RGSL1: variants seen among roughly 807,000 people sequenced by gnomAD.
RGSL1 encodes the protein regulator of G protein signaling protein-like.
In RGSL1, 97 loss-of-function variants were observed where a neutral mutation model predicts 124.7. That is an observed-to-expected ratio of 0.78 (90% CI 0.66 to 0.92). RGSL1 has a LOEUF of 0.92. Among genes scored for constraint, RGSL1 ranks in the 40% least tolerant of loss-of-function variants. RGSL1 has a pLI of 0.00. For missense variants in RGSL1, 1,233 were observed against 1,288.4 expected (o/e 0.96, Z 0.66); for synonymous variants, 424 against 438.1 (o/e 0.97, Z 0.40).
Position 182,454,076 on chromosome 1 carries a change from C to T in RGSL1, c.96+36C>T, listed in dbSNP as rs77913722. ...TCAGATTTAAATACAAATATTTCAT[C>T]AGCAGCTGAATAGTGAATCTCACAG... On this transcript the variant is annotated intron_variant, in intron 2 of 21. Transcript: ENST00000294854. 1.4e-3 allele frequency: 1,763 copies of T among 1,230,176 alleles called. 25 individuals are homozygous for T. In the African/African-American group the frequency reaches 0.022, roughly 15 times the overall value. The allele number at this position is 1,230,176 out of a possible 1,614,324, so 76.2% of individuals were successfully genotyped here.
intron 4 of RGSL1, among the ~76,000 whole-genome samples, chr1:182,463,967 G>C (rs569697878): frequency 6.6e-6 from 1 of 152,162 alleles, no homozygotes; most frequent in South Asian, 2.1e-4. Context: ...TATTAGGCCA[G>C]AAATTCTCAA....
Position 182,512,553 on chromosome 1 carries a change from C to G in RGSL1, c.1826-9451C>G, listed in dbSNP as rs145215612. Among the ~76,000 whole-genome samples the G allele has an allele frequency of 3.6e-3, 542 of 152,266 alleles. 5 individuals carry two copies. The highest frequency in any genetic ancestry group is 0.012 in the African/African-American group (517 of 41,550). ...CAAGTGCTTTTGGGCTCCGGCCCCACGGTAGCTTCTACAGGTGGGTGCCTG... is the reference window on the plus strand; with the variant it reads ...CAAGTGCTTTTGGGCTCCGGCCCCAGGGTAGCTTCTACAGGTGGGTGCCTG... On this transcript the variant is annotated intron_variant, in intron 9 of 21. Transcript: ENST00000294854.
rs1657815274 is a variant in RGSL1, at chr1:182,515,565, G to A, written c.1826-6439G>A. On this transcript the variant is annotated intron_variant, in intron 9 of 21. Transcript: ENST00000294854. ...TAAAAAAAAAAAAAGGGGGGGGCGG[G>A]GTGGAGGGCGTGGGGGAAGAACTTC... Among the ~76,000 whole-genome samples the A allele has an allele frequency of 2.1e-5, 3 of 142,676 alleles. No individual in the cohort carries two copies. The Admixed American group carries it at 2.1e-4, about 10-fold the overall frequency. The allele number at this position is 142,676 out of a possible 152,430, so 93.6% of individuals were successfully genotyped here.
In RGSL1 at chr1:182,488,965, A is replaced by G. The variant is rs1237014303; in HGVS notation, c.1495-15A>G. On this transcript the variant is annotated splice_polypyrimidine_tract_variant and intron_variant, in intron 7 of 21. Coordinates refer to ENST00000294854, the MANE Select transcript of RGSL1 (RefSeq NM_001137669.2). Reference sequence around the variant, plus strand: ...CTGTAACAAATGCCATCTTCCCCTCACCCTCTTCTCTTAGACACAGAACAG... The same window carrying G: ...CTGTAACAAATGCCATCTTCCCCTCGCCCTCTTCTCTTAGACACAGAACAG... 6.5e-7 allele frequency: 1 copy of G among 1,545,706 alleles called. No homozygotes were observed. Among genetic ancestry groups the G allele is most frequent in the South Asian group, 1.2e-5 (1 of 83,670 alleles).
At chr1:182,475,448 G>C (rs1010677969) in intron 6 of RGSL1, among the ~76,000 whole-genome samples, 1 of 152,122 alleles carries the variant, frequency 6.6e-6, no homozygotes, top group East Asian at 1.9e-4. Context: ...GTGGTGCAGT[G>C]GGGCAACCAC....
chr1:182,497,302 T>C (rs1011687584), intron 9 of RGSL1, among the ~76,000 whole-genome samples: 1 of 149,480 alleles, frequency 6.7e-6, no homozygotes, highest in Non-Finnish European at 1.5e-5. Flanking sequence ...TGTGTCTGTG[T>C]ATCTTTTTCA....
chr1:182,469,068 A>C (rs1326450051), intron 4 of RGSL1, among the ~76,000 whole-genome samples: 1 of 152,118 alleles, frequency 6.6e-6, no homozygotes, highest in Non-Finnish European at 1.5e-5. Flanking sequence ...TATAAAACTC[A>C]TGAAAAAACT....
At chr1:182,533,191 T>C (rs1395814597) in intron 14 of RGSL1, among the ~76,000 whole-genome samples, 1 of 152,156 alleles carries the variant, frequency 6.6e-6, no homozygotes, top group Non-Finnish European at 1.5e-5. Context: ...GAGATAACAT[T>C]GTTAATGCTT....
intron 9 of RGSL1, among the ~76,000 whole-genome samples, chr1:182,509,777 A>C (rs1221817147): frequency 2.1e-4 from 18 of 87,642 alleles, no homozygotes; most frequent in African/African-American, 4.0e-4. Context: ...CTGACCCCCC[A>C]CCTCCCTCCC....
chr1:182,509,298 G>A (rs1361232286), intron 9 of RGSL1, among the ~76,000 whole-genome samples: 18 of 39,136 alleles, frequency 4.6e-4, no homozygotes, highest in African/African-American at 1.4e-3. Flanking sequence ...CGGACGGGGC[G>A]GCTGGCCGGG....
chr1:182,453,949 TC>T lies in RGSL1; in HGVS notation c.14-7del. On this transcript the variant is annotated splice_region_variant and splice_polypyrimidine_tract_variant and intron_variant, in intron 1 of 21. Coordinates refer to ENST00000294854, the MANE Select transcript of RGSL1 (RefSeq NM_001137669.2). ...TGTTTTGTTTTTTTATTTCTCTCTCTCCATATAGAGATAATTGGTTCTACAA... is the reference window on the plus strand; with the variant it reads ...TGTTTTGTTTTTTTATTTCTCTCTCTCATATAGAGATAATTGGTTCTACAA... 7.1e-7 allele frequency: 1 copy of T among 1,411,234 alleles called. No individual in the cohort carries two copies. The highest frequency in any genetic ancestry group is 1.2e-5 in the South Asian group (1 of 80,976). 87.4% of individuals were successfully genotyped at this position (1,411,234 alleles called of 1,614,324 possible). A position where few individuals can be genotyped will look rare whatever the true frequency, so the allele number is the denominator to read the frequency against.
intron 6 of RGSL1, among the ~76,000 whole-genome samples, chr1:182,478,848 C>T (rs1299290077): frequency 6.6e-6 from 1 of 152,032 alleles, no homozygotes; most frequent in African/African-American, 2.4e-5. Context: ...GGAAACGTGA[C>T]TTGTAATATA....
chr1:182,464,175 A>G (rs909950640), intron 4 of RGSL1, among the ~76,000 whole-genome samples: 1 of 152,226 alleles, frequency 6.6e-6, no homozygotes, highest in African/African-American at 2.4e-5. Context: ...AACAAAACTT[A>G]TGGGATAAAA....
At position 182,459,939 on chromosome 1, in the gene RGSL1, A is replaced by G. The variant is rs1652670872; in HGVS notation, c.172-65A>G. On this transcript the variant is annotated intron_variant, in intron 3 of 21. Transcript: ENST00000294854. ...TGAGGTGATTAGTTGCCACTTACTA[A>G]GTTGTATTTTTTTAGCAGTTCGGTT... 8 of 1,519,432 alleles carry G rather than the reference A, an allele frequency of 5.3e-6. No individual in the cohort carries two copies. The Admixed American group carries it at 1.5e-4, about 28-fold the overall frequency. 94.1% of individuals were successfully genotyped at this position (1,519,432 alleles called of 1,614,324 possible).
chr1:182,549,899 T>C (rs1660455047), intron 17 of RGSL1: 1 of 152,222 alleles, frequency 6.6e-6, no homozygotes, highest in Non-Finnish European at 1.5e-5. Flanking sequence ...ACTAAGTAGA[T>C]ATTCACCCAG....
intron 17 of RGSL1, chr1:182,549,171 A>G (rs899263896): frequency 4.4e-5 from 9 of 206,826 alleles, no homozygotes; most frequent in Non-Finnish European, 7.9e-5. Context: ...TTCTGTCAAG[A>G]CTAACACAAC....
intron 19 of RGSL1, among the ~76,000 whole-genome samples, chr1:182,554,282 A>AT (rs1274807527): frequency 2.0e-5 from 3 of 152,192 alleles, no homozygotes. Context: ...ACTATGGAAC[A>AT]TTGCCTGTGA....
chr1:182,478,075 G>C (rs934047542), intron 6 of RGSL1, among the ~76,000 whole-genome samples: 1 of 151,996 alleles, frequency 6.6e-6, no homozygotes, highest in African/African-American at 2.4e-5. Context: ...TTTCTAAACT[G>C]TTTAACACAA....
At chr1:182,513,391 A>G (rs1482924839) in intron 9 of RGSL1, among the ~76,000 whole-genome samples, 1 of 152,230 alleles carries the variant, frequency 6.6e-6, no homozygotes, top group Non-Finnish European at 1.5e-5. Flanking sequence ...TATAAGGTTA[A>G]GTATGCATGG....
Sources: allele counts gnomAD v4.1 joint callset (sites outside exome capture counted in the v4.1 genomes callset), GRCh38; gene constraint gnomAD v4.1.1; transcripts MANE v1.5; gene names NCBI Gene and HGNC (gene_info 2026-07-23, HGNC 2026-07-21).